The following TNRC6A variants were observed in gnomAD, a reference collection of about 807,000 sequenced individuals.
TNRC6A encodes the protein trinucleotide repeat-containing gene 6A protein.
In TNRC6A, 44 loss-of-function variants were observed where a neutral mutation model predicts 221.2. The ratio of observed to expected loss-of-function variants is 0.20; its 90% CI spans 0.16 to 0.26. The LOEUF (loss-of-function observed/expected upper bound fraction) is 0.26, where lower values mean the gene tolerates loss of function less well. Among genes scored for constraint, TNRC6A ranks in the 10% least tolerant of loss-of-function variants. TNRC6A has a pLI of 1.00. For missense variants in TNRC6A, 2,199 were observed against 2,404.4 expected (o/e 0.91, Z 1.79); for synonymous variants, 847 against 838.5 (o/e 1.01, Z -0.18).
Position 24,705,522 on chromosome 16 carries a change from G to T in TNRC6A, n.403-45204G>T, listed in dbSNP as rs865791651. Among the ~76,000 whole-genome samples the T allele has an allele frequency of 2.6e-5, 4 of 152,202 alleles. No individual in the cohort carries two copies. The South Asian group carries it at 6.2e-4, about 24-fold the overall frequency. ...AATTTTTGTAATTTTAGTAGAGATG[G>T]CGTTTCGCCATGTTGGCCAGGCTGG... is the stretch of plus-strand genomic sequence containing the variant. On this transcript the variant is annotated intron_variant and non_coding_transcript_variant, in intron 2 of 2. Transcript: ENST00000566108.
chr16:24,721,820 A>G (rs200541), intron 2 of TNRC6A, among the ~76,000 whole-genome samples: 130,099 of 152,210 alleles, frequency 0.85, 55,825 homozygotes, highest in African/African-American at 0.92. Flanking sequence ...CAGCAATAAA[A>G]AGGAACGAAC....
chr16:24,712,844 C>T (rs1231563527), intron 2 of TNRC6A, among the ~76,000 whole-genome samples: 1 of 151,958 alleles, frequency 6.6e-6, no homozygotes, highest in East Asian at 1.9e-4. Context: ...GCCTCAATCT[C>T]CTGGGCTCAA....
chr16:24,661,847 G>A (rs2055041652), intron 2 of TNRC6A: 7 of 152,182 alleles, frequency 4.6e-5, no homozygotes, highest in Admixed American at 4.6e-4. Flanking sequence ...ACAGAGACAC[G>A]ATCATGTTTC....
chr16:24,630,361 T>G (rs2141670705), intron 1 of TNRC6A, among the ~76,000 whole-genome samples: 1 of 152,092 alleles, frequency 6.6e-6, no homozygotes, highest in Admixed American at 6.6e-5. Context: ...GGAAGTGCTA[T>G]CTTTAAAAAC....
At chr16:24,633,218 T>C (rs774121821) in intron 1 of TNRC6A, among the ~76,000 whole-genome samples, 2 of 152,098 alleles carry the variant, frequency 1.3e-5, no homozygotes, top group Non-Finnish European at 2.9e-5. Flanking sequence ...GACTTATTCA[T>C]GGTTTACTCC....
chr16:24,719,289 G>T (rs2056369861), intron 2 of TNRC6A, among the ~76,000 whole-genome samples: 1 of 152,054 alleles, frequency 6.6e-6, no homozygotes, highest in South Asian at 2.1e-4. Flanking sequence ...GGGAGGCCAG[G>T]GTGAGAGGAT....
chr16:24,662,552 CA>C (rs1440472118), intron 2 of TNRC6A: 1 of 151,996 alleles, frequency 6.6e-6, no homozygotes, highest in Non-Finnish European at 1.5e-5. Context: ...CTGCAAGAAT[CA>C]TTATGGGTGC....
chr16:24,729,641 T>C, upstream of TNRC6A: 1 of 499,120 alleles, frequency 2.0e-6, no homozygotes, highest in Non-Finnish European at 3.2e-6. Flanking sequence ...GGTTGCCGAG[T>C]GGGGCATTCA....
intron 16 of TNRC6A, 46 bp from the exon 17 acceptor site, chr16:24,806,528 G>T: frequency 6.2e-7 from 1 of 1,604,022 alleles, no homozygotes; most frequent in South Asian, 1.1e-5. Context: ...TTTCTGTAAA[G>T]ACGTTTTCCC....
chr16:24,766,865 C>T (rs1049290025), intron 4 of TNRC6A, among the ~76,000 whole-genome samples: 4 of 151,974 alleles, frequency 2.6e-5, no homozygotes, highest in African/African-American at 9.7e-5. Flanking sequence ...TCAGTAGAGA[C>T]AGGGTTTCAC....
chr16:24,731,019 A>G (rs1306750366), intron 2 of TNRC6A, among the ~76,000 whole-genome samples: 1 of 148,178 alleles, frequency 6.7e-6, no homozygotes, highest in African/African-American at 2.5e-5. Flanking sequence ...GAATGGAAAT[A>G]TTTAGCTTCA....
intron 22 of TNRC6A, 147 bp from the exon 23 acceptor site, chr16:24,821,930 G>C: frequency 1.4e-6 from 1 of 729,572 alleles, no homozygotes; most frequent in Non-Finnish European, 2.4e-6. Flanking sequence ...GCTAGGGCGA[G>C]CTGAAATTCT....
Position 24,791,120 on chromosome 16 carries a change from G to A in TNRC6A, c.2478G>A (p.Lys826=), listed in dbSNP as rs773587080. ...AGTGGGGGAATTGCAAAGAGGAGAA[G>A]GCTGCATGGAATGACTCGCAAAAGA... ...SNQWGNCKEE[K]AAWNDSQKNK... Residue 826 remains lysine (K), a synonymous_variant, in exon 6 of 25, where the codon AAG becomes AAA. Transcript: ENST00000395799. 2 of 1,614,000 alleles carry A rather than the reference G, an allele frequency of 1.2e-6. No homozygotes were observed. Among genetic ancestry groups the A allele is most frequent in the Non-Finnish European group, 1.7e-6 (2 of 1,179,960 alleles).
In TNRC6A at chr16:24,790,093, G is replaced by C. The variant is rs375501182; in HGVS notation, c.1451G>C (p.Arg484Pro). 58 of 1,614,074 alleles carry C rather than the reference G, an allele frequency of 3.6e-5. No individual in the cohort carries two copies. The highest frequency in any genetic ancestry group is 4.7e-5 in the Non-Finnish European group (56 of 1,180,044). ...CCTAGTAGTAACACAGGGGCCTGGC[G>C]TGTGAGCACAATGAATCATCCTCAG... is the stretch of plus-strand genomic sequence containing the variant. ...ELPSSNTGAW[R>P]VSTMNHPQMQ... Residue 484 changes from arginine (R) to proline (P), a missense_variant, in exon 6 of 25, where the codon CGT (arginine) becomes CCT (proline). Coordinates refer to ENST00000395799, the MANE Select transcript of TNRC6A (RefSeq NM_014494.4).
intron 2 of TNRC6A, among the ~76,000 whole-genome samples, chr16:24,718,321 T>C (rs2056351807): frequency 6.6e-6 from 1 of 152,200 alleles, no homozygotes; most frequent in South Asian, 2.1e-4. Context: ...GGGGCAGGAA[T>C]GATAGCTATA....
At chr16:24,618,108 T>C (rs1386956306) in intron 1 of TNRC6A, among the ~76,000 whole-genome samples, 2 of 140,090 alleles carry the variant, frequency 1.4e-5, no homozygotes, top group Admixed American at 7.0e-5. Flanking sequence ...TTTGTAGAGA[T>C]GGGGTTTCGC....
At chr16:24,781,957 G>C (rs372001015) in intron 5 of TNRC6A, among the ~76,000 whole-genome samples, 2 of 151,978 alleles carry the variant, frequency 1.3e-5, no homozygotes, top group Non-Finnish European at 2.9e-5. Context: ...CGAGTAGCTG[G>C]GACTACAGGC....
intron 3 of TNRC6A, among the ~76,000 whole-genome samples, chr16:24,751,478 T>TA (rs557062605): frequency 2.0e-5 from 3 of 152,236 alleles, no homozygotes; most frequent in South Asian, 2.1e-4. Context: ...CAAAGTAAGT[T>TA]AAAAAAATCT....
At chr16:24,792,613 C>CTTTTTG (rs2058129506) in intron 6 of TNRC6A, among the ~76,000 whole-genome samples, 1 of 56,514 alleles carries the variant, frequency 1.8e-5, no homozygotes, top group African/African-American at 8.1e-5. Context: ...ACATTTATGG[C>CTTTTTG]TTTTTTTTTT....
Sources: gnomAD v4.1 joint callset for allele counts (sites outside exome capture counted in the v4.1 genomes callset) on GRCh38, gnomAD v4.1.1 for gene constraint, MANE v1.5 for transcripts, NCBI Gene and HGNC (gene_info 2026-07-23, HGNC 2026-07-21) for gene names.